HEPACAM: variants seen among roughly 807,000 people sequenced by gnomAD.
HEPACAM encodes hepatocyte cell adhesion molecule.
In HEPACAM, 18 loss-of-function variants were observed where a neutral mutation model predicts 38.3. The ratio of observed to expected loss-of-function variants is 0.47; its 90% CI spans 0.33 to 0.70. HEPACAM has a LOEUF of 0.70. HEPACAM is among the 30% of genes least tolerant of loss of function. The probability of loss-of-function intolerance (pLI) is 0.03; values close to 1 mark genes in which losing one functional copy is unlikely to be tolerated. For synonymous variants in HEPACAM, 216 were observed against 243.1 expected (o/e 0.89, Z 1.04); for missense variants, 466 against 563.0 (o/e 0.83, Z 1.74).
chr11:124,923,976 T>C lies in HEPACAM; in HGVS notation c.462A>G (p.Ser154=), dbSNP rs762512703. 8.7e-6 allele frequency: 14 copies of C among 1,611,232 alleles called. No individual in the cohort carries two copies. In the African/African-American group the frequency reaches 1.6e-4, roughly 18 times the overall value. ...PISRPQVLVA[S]TTVLELSEAF... The stretch of plus-strand genomic sequence containing the variant: ...CCTCGCTGAGCTCCAGCACAGTGGT[T>C]GAAGCCACCAACACCTGTGGCCTCG... Residue 154 remains serine (S), a synonymous_variant, in exon 3 of 7, where the codon TCA becomes TCG. Transcript: ENST00000298251.
intron 1 of HEPACAM, 142 bp from the exon 2 acceptor site, chr11:124,925,211 G>T: frequency 1.6e-6 from 1 of 638,298 alleles, no homozygotes; most frequent in Non-Finnish European, 2.7e-6. Flanking sequence ...CTTAAGCCTG[G>T]GTGCTATCTC....
intron 1 of HEPACAM, among the ~76,000 whole-genome samples, chr11:124,928,244 T>G (rs1242242648): frequency 1.3e-5 from 2 of 152,216 alleles, no homozygotes; most frequent in Non-Finnish European, 2.9e-5. Context: ...CCTTAAGGTT[T>G]CTTCCAATTC....
chr11:124,931,078 C>T (rs558924522), intron 1 of HEPACAM, among the ~76,000 whole-genome samples: 4 of 152,216 alleles, frequency 2.6e-5, no homozygotes, highest in African/African-American at 4.8e-5. Context: ...GAGATATTTG[C>T]AATACATATA....
At chr11:124,934,495 G>A (rs1020365067) in intron 1 of HEPACAM, among the ~76,000 whole-genome samples, 1 of 150,668 alleles carries the variant, frequency 6.6e-6, no homozygotes, top group African/African-American at 2.4e-5. Context: ...CTTATAAAAA[G>A]GGGAAATGTG....
intron 4 of HEPACAM, 43 bp downstream of exon 4, chr11:124,923,297 G>A: frequency 8.0e-7 from 1 of 1,251,478 alleles, no homozygotes. Context: ...CTTAGGTTTG[G>A]GATGGATTGA....
chr11:124,925,651 C>T (rs535760995), intron 1 of HEPACAM, among the ~76,000 whole-genome samples: 1 of 152,224 alleles, frequency 6.6e-6, no homozygotes, highest in African/African-American at 2.4e-5. Flanking sequence ...CTAGTTATAC[C>T]GAGAGCCTCT....
Position 124,919,740 on chromosome 11 carries a change from G to A in HEPACAM, c.*1398C>T, listed in dbSNP as rs745717656. 6.2e-6 allele frequency: 10 copies of A among 1,612,868 alleles called. No homozygotes were observed. The highest frequency in any genetic ancestry group is 1.3e-5 in the African/African-American group (1 of 74,900). The stretch of plus-strand genomic sequence containing the variant: ...TGGGGCTGAGACAAAACTTGACCTG[G>A]TGTGGAGGTGATGGGTAACTGGGGC... On this transcript the variant is annotated 3_prime_UTR_variant, in exon 7 of 7. Coordinates refer to ENST00000298251, the MANE Select transcript of HEPACAM (RefSeq NM_152722.5).
In HEPACAM at chr11:124,923,849, G is replaced by A; in HGVS notation, c.589C>T (p.Pro197Ser). The A allele has an allele frequency of 6.2e-7, 1 of 1,614,124 alleles. No homozygotes were observed. The highest frequency in any genetic ancestry group is 1.1e-5 in the South Asian group (1 of 91,076). The stretch of plus-strand genomic sequence containing the variant: ...GTGATGGTGAGCACCTTTTGGTCGG[G>A]GGACAGGAGCATTCTCGAGTCATTG... ...LLNDSRMLLS[P>S]DQKVLTITRV... Residue 197 changes from proline (P) to serine (S), a missense_variant, in exon 3 of 7, where the codon CCC (proline) becomes TCC (serine). By Grantham distance (74) the Pro-to-Ser change is moderately conservative. Coordinates refer to ENST00000298251, the MANE Select transcript of HEPACAM (RefSeq NM_152722.5).
rs1947138169 is a variant in HEPACAM, at chr11:124,921,466, C to A, written c.949-26G>T. On this transcript the variant is annotated intron_variant, in intron 6 of 6. Transcript: ENST00000298251. This position sits in a 1 kb window ranked among gnomAD's most constrained non-coding sequence, Gnocchi z 4.6. ...CTGCAAGGACACGCGCCGCAGGGGT[C>A]AGGGGACAGTCAGCCCAGCCTGGGA... The A allele has an allele frequency of 8.0e-7, 1 of 1,243,012 alleles. No homozygotes were observed. The highest frequency in any genetic ancestry group is 1.0e-6 in the Non-Finnish European group (1 of 990,030). 77.0% of individuals were successfully genotyped at this position (1,243,012 alleles called of 1,614,324 possible). A position where few individuals can be genotyped will look rare whatever the true frequency, so the allele number is the denominator to read the frequency against.
In HEPACAM at chr11:124,919,472, G is replaced by A. The variant is rs1947093793; in HGVS notation, c.*1666C>T. 1 of 475,772 alleles carries A rather than the reference G, an allele frequency of 2.1e-6. No homozygotes were observed. The allele number at this position is 475,772 out of a possible 1,614,324, so 29.5% of individuals were successfully genotyped here. Reference sequence around the variant, plus strand: ...TCTCATCTCACCCTAACCTTCACCTGTGCATCTCAAGGCTGACCAGCAGGT... The same window carrying A: ...TCTCATCTCACCCTAACCTTCACCTATGCATCTCAAGGCTGACCAGCAGGT... On this transcript the variant is annotated 3_prime_UTR_variant, in exon 7 of 7. Coordinates refer to ENST00000298251, the MANE Select transcript of HEPACAM (RefSeq NM_152722.5).
Position 124,923,732 on chromosome 11 carries a change from A to G in HEPACAM, c.706T>C (p.Tyr236His), listed in dbSNP as rs746993329. ...GRSLPVKITV[Y>H]RRSSLYIILS... ...GAAAGCCTGCGGGGAAACTCACTGT[A>G]TACGGTGATCTTGACAGGCAGGCTG... Residue 236 changes from tyrosine (Y) to histidine (H), a missense_variant, in exon 3 of 7, where the codon TAC becomes CAC. By Grantham distance (83) the Tyr-to-His change is moderately conservative (BLOSUM62 2). Transcript: ENST00000298251. 15 of 1,614,126 alleles carry G rather than the reference A, an allele frequency of 9.3e-6. No homozygotes were observed. Among genetic ancestry groups the G allele is most frequent in the Non-Finnish European group, 1.2e-5 (14 of 1,180,022 alleles).
intron 1 of HEPACAM, among the ~76,000 whole-genome samples, chr11:124,929,174 T>A (rs1565341073): frequency 6.6e-6 from 1 of 152,174 alleles, no homozygotes; most frequent in Non-Finnish European, 1.5e-5. Context: ...TTGCTATGTA[T>A]TTCTCCCTGA....
At position 124,923,924 on chromosome 11, in the gene HEPACAM, T is replaced by C. The variant is rs778987736; in HGVS notation, c.514A>G (p.Asn172Asp). 1.2e-6 allele frequency: 2 copies of C among 1,613,300 alleles called. No individual in the cohort carries two copies. The highest frequency in any genetic ancestry group is 1.7e-6 in the Non-Finnish European group (2 of 1,180,006). The change falls in exon 3 of 7, where the codon AAT becomes GAT. Residue 172 changes from asparagine (N) to aspartate (D), a missense_variant. Transcript: ENST00000298251. ...EAFTLNCSHE[N>D]GTKPSYTWLK... ...CAGGTGTAGCTGGGCTTGGTGCCAT[T>C]CTCATGTGAGCAGTTCAAGGTGAAG...
chr11:124,919,829 G>A lies in HEPACAM; in HGVS notation c.*1309C>T. 1 of 1,614,152 alleles carries A rather than the reference G, an allele frequency of 6.2e-7. No individual in the cohort carries two copies. Among genetic ancestry groups the A allele is most frequent in the Non-Finnish European group, 8.5e-7 (1 of 1,180,008 alleles). ...GGAGTTTAGGAGACTAGGGATGCAA[G>A]GACCCTTGGAGGCATTAAGGAGGAG... On this transcript the variant is annotated 3_prime_UTR_variant, in exon 7 of 7. Coordinates refer to ENST00000298251, the MANE Select transcript of HEPACAM (RefSeq NM_152722.5).
At position 124,921,034 on chromosome 11, in the gene HEPACAM, CTCCCCTCG is replaced by C; in HGVS notation, c.*96_*103del. ...CGAGACACCAGCGCCCCCCCGGGAC[CTCCCCTCG>C]TCCCCAGCGCGCCGCGCCCGGGCTT... is the stretch of plus-strand genomic sequence containing the variant. On this transcript the variant is annotated 3_prime_UTR_variant, in exon 7 of 7. Coordinates refer to ENST00000298251, the MANE Select transcript of HEPACAM (RefSeq NM_152722.5). This position sits in a 1 kb window ranked among gnomAD's most constrained non-coding sequence, Gnocchi z 4.6. 1.4e-6 allele frequency: 2 copies of C among 1,407,238 alleles called. No homozygotes were observed. The highest frequency in any genetic ancestry group is 1.8e-6 in the Non-Finnish European group (2 of 1,083,332). 87.2% of individuals were successfully genotyped at this position (1,407,238 alleles called of 1,614,324 possible). A position where few individuals can be genotyped will look rare whatever the true frequency, so the allele number is the denominator to read the frequency against.
Position 124,920,739 on chromosome 11 carries a change from G to C in HEPACAM, c.*399C>G. ...CCCAGCACTCAGGCATTTGTTCAGA[G>C]GGAAGGGTGGTGGGTGGGAAACAAC... On this transcript the variant is annotated 3_prime_UTR_variant, in exon 7 of 7. Coordinates refer to ENST00000298251, the MANE Select transcript of HEPACAM (RefSeq NM_152722.5). 1 of 1,048,844 alleles carries C rather than the reference G, an allele frequency of 9.5e-7. No homozygotes were observed. The highest frequency in any genetic ancestry group is 1.1e-6 in the Non-Finnish European group (1 of 873,262). The allele number at this position is 1,048,844 out of a possible 1,614,324, so 65.0% of individuals were successfully genotyped here.
intron 1 of HEPACAM, among the ~76,000 whole-genome samples, chr11:124,926,876 AT>A (rs1000069604): frequency 7.3e-5 from 11 of 150,342 alleles, no homozygotes; most frequent in South Asian, 2.1e-4. Flanking sequence ...CAAAAAAAAA[AT>A]TTTTTTTTTG....
intron 1 of HEPACAM, among the ~76,000 whole-genome samples, chr11:124,933,091 C>G (rs1270370844): frequency 2.6e-5 from 4 of 152,206 alleles, no homozygotes; most frequent in African/African-American, 9.6e-5. Context: ...ACTCTTTAGT[C>G]CACAGCAGTA....
chr11:124,921,386 G>A lies in HEPACAM; in HGVS notation c.1003C>T (p.Pro335Ser). Reference protein sequence around the residue: ...PAPEPRSATEPGPPGYSVSPA... With the variant: ...PAPEPRSATESGPPGYSVSPA... ...GACACGGAGTAGCCGGGCGGGCCGGGCTCCGTCGCGCTTCGAGGCTCCGGG... is the reference window on the plus strand; with the variant it reads ...GACACGGAGTAGCCGGGCGGGCCGGACTCCGTCGCGCTTCGAGGCTCCGGG... The change falls in exon 7 of 7, where the codon CCC (proline) becomes TCC (serine). Residue 335 changes from proline to serine, a missense_variant. Transcript: ENST00000298251. This position sits in a 1 kb window ranked among gnomAD's most constrained non-coding sequence, Gnocchi z 4.6. 7.9e-7 allele frequency: 1 copy of A among 1,270,470 alleles called. No individual in the cohort carries two copies. Among genetic ancestry groups the A allele is most frequent in the African/African-American group, 1.5e-5 (1 of 64,988 alleles). The allele number at this position is 1,270,470 out of a possible 1,614,324, so 78.7% of individuals were successfully genotyped here. A position where few individuals can be genotyped will look rare whatever the true frequency, so the allele number is the denominator to read the frequency against.
Sources: gnomAD v4.1 joint callset for allele counts (sites outside exome capture counted in the v4.1 genomes callset) on GRCh38, gnomAD v4.1.1 for gene constraint, Gnocchi (gnomAD v3.1) non-coding constraint, MANE v1.5 for transcripts, NCBI Gene and HGNC (gene_info 2026-07-23, HGNC 2026-07-21) for gene names.